The following DMXL1 variants were observed in gnomAD, a reference collection of about 807,000 sequenced individuals.
DMXL1 encodes the protein Dmx like 1.
A neutral mutation model predicts 319.2 loss-of-function variants in DMXL1; 99 were observed. That is an observed-to-expected ratio of 0.31 (90% CI 0.26 to 0.37). DMXL1 has a LOEUF of 0.37. DMXL1 is among the 10% of genes least tolerant of loss of function. DMXL1 has a pLI of 1.00. For synonymous variants in DMXL1, 1,385 were observed against 1,235.2 expected (o/e 1.12, Z -2.54); for missense variants, 3,745 against 3,595.6 (o/e 1.04, Z -1.06).
intron 34 of DMXL1, among the ~76,000 whole-genome samples, chr5:119,208,627 T>G (rs1245216272): frequency 6.6e-6 from 1 of 152,152 alleles, no homozygotes; most frequent in Non-Finnish European, 1.5e-5. Flanking sequence ...AATACAGTCT[T>G]TTTGAGGGGA....
chr5:119,103,719 A>G (rs569310949), intron 3 of DMXL1, among the ~76,000 whole-genome samples: 65 of 152,350 alleles, frequency 4.3e-4, no homozygotes, highest in Middle Eastern at 3.4e-3. Flanking sequence ...AGTACTAAAA[A>G]GAATTTTTTA....
chr5:119,093,130 C>T (rs1042721149), intron 1 of DMXL1, among the ~76,000 whole-genome samples: 1 of 151,754 alleles, frequency 6.6e-6, no homozygotes, highest in Non-Finnish European at 1.5e-5. Flanking sequence ...CAGTTGCATG[C>T]GCTCACTTTG....
chr5:119,118,730 T>A, intron 7 of DMXL1, 85 bp from the exon 8 acceptor site: 1 of 1,041,712 alleles, frequency 9.6e-7, no homozygotes. Context: ...GTTGGTACAT[T>A]TAAGTAATTA....
chr5:119,192,828 G>T (rs1052389788), intron 29 of DMXL1, among the ~76,000 whole-genome samples: 1 of 151,468 alleles, frequency 6.6e-6, no homozygotes, highest in African/African-American at 2.4e-5. Context: ...ATTTTATATC[G>T]ATTTTTCCCA....
intron 32 of DMXL1, among the ~76,000 whole-genome samples, chr5:119,198,964 G>A (rs528756071): frequency 1.3e-5 from 2 of 152,256 alleles, no homozygotes; most frequent in Admixed American, 6.5e-5. Flanking sequence ...ACAGCTCACT[G>A]CAGCCTCCAC....
Position 119,167,672 on chromosome 5 carries a change from G to C in DMXL1, c.5206G>C (p.Asp1736His). The change falls in exon 23 of 44, where the codon GAT becomes CAT. Residue 1736 changes from aspartate (D) to histidine (H), a missense_variant. This residue lies in a region of DMXL1 where 1,382 missense variants were observed against 1,269.5 expected (regional missense o/e 1.09). Transcript: ENST00000539542. ...VIARLYESEF[D>H]TSAAYKSILR... ...AGCAAGACTCTATGAGTCTGAATTT[G>C]ATACATCTGCAGCATATAAATCTAT... 2 of 1,612,894 alleles carry C rather than the reference G, an allele frequency of 1.2e-6. No individual in the cohort carries two copies. The highest frequency in any genetic ancestry group is 1.7e-6 in the Non-Finnish European group (2 of 1,179,306).
Position 119,104,361 on chromosome 5 carries a change from G to A in DMXL1, c.286-819G>A, listed in dbSNP as rs1344422056. 3 of 152,168 alleles carry A rather than the reference G, an allele frequency of 2.0e-5. No individual in the cohort carries two copies. In the East Asian group the frequency reaches 5.8e-4, roughly 29 times the overall value. The allele number at this position is 152,168 out of a possible 1,614,324, so 9.4% of individuals were successfully genotyped here. A position where few individuals can be genotyped will look rare whatever the true frequency, so the allele number is the denominator to read the frequency against. On this transcript the variant is annotated intron_variant, in intron 3 of 43. Transcript: ENST00000539542. Reference sequence around the variant, plus strand: ...TAGGTCACCTATGTCAAAATCACCTGGGGTGTTAAAGTACAGGTTTCTGTG... The same window carrying A: ...TAGGTCACCTATGTCAAAATCACCTAGGGTGTTAAAGTACAGGTTTCTGTG...
intron 14 of DMXL1, among the ~76,000 whole-genome samples, chr5:119,144,168 C>T (rs1207253869): frequency 2.0e-5 from 3 of 151,728 alleles, no homozygotes; most frequent in Admixed American, 1.3e-4. Context: ...CAAACTTTGA[C>T]TCAAACATAT....
In DMXL1 at chr5:119,198,077, C is replaced by G. The variant is rs147098038; in HGVS notation, c.7745+121C>G. The G allele has an allele frequency of 1.3e-3, 1,193 of 898,340 alleles. 10 individuals carry two copies. The African/African-American group carries it at 0.017, about 13-fold the overall frequency. 55.6% of individuals were successfully genotyped at this position (898,340 alleles called of 1,614,324 possible). On this transcript the variant is annotated intron_variant, in intron 32 of 43. Coordinates refer to ENST00000539542, the MANE Select transcript of DMXL1 (RefSeq NM_001290321.3). Reference sequence around the variant, plus strand: ...AATCTCAGCTCACTGCAGCCTCTGCCTCCTGGGTTCAAGTGATTCTCCTGC... The same window carrying G: ...AATCTCAGCTCACTGCAGCCTCTGCGTCCTGGGTTCAAGTGATTCTCCTGC...
intron 9 of DMXL1, chr5:119,127,315 G>T: frequency 4.8e-6 from 1 of 209,826 alleles, no homozygotes; most frequent in South Asian, 9.7e-5. Flanking sequence ...TAGTATTATT[G>T]GCTACCACAG....
Position 119,217,002 on chromosome 5 carries a change from A to G in DMXL1, c.8013+15A>G, listed in dbSNP as rs1783811090. The G allele has an allele frequency of 1.5e-6, 2 of 1,375,682 alleles. No homozygotes were observed. Among genetic ancestry groups the G allele is most frequent in the Non-Finnish European group, 2.0e-6 (2 of 1,000,492 alleles). 85.2% of individuals were successfully genotyped at this position (1,375,682 alleles called of 1,614,324 possible). On this transcript the variant is annotated intron_variant, in intron 35 of 43. Coordinates refer to ENST00000539542, the MANE Select transcript of DMXL1 (RefSeq NM_001290321.3). ...CTGTTAATAAGGTAAGTACATAGACATTCTTCTTTTGTTTATTAAGTATTT... is the reference window on the plus strand; with the variant it reads ...CTGTTAATAAGGTAAGTACATAGACGTTCTTCTTTTGTTTATTAAGTATTT...
intron 9 of DMXL1, among the ~76,000 whole-genome samples, chr5:119,122,447 C>T (rs11738650): frequency 0.38 from 57,118 of 149,422 alleles, 13,503 homozygotes; most frequent in East Asian, 0.94. Flanking sequence ...GGGCTAACCC[C>T]CCCCACCTCC....
At position 119,078,738 on chromosome 5, in the gene DMXL1, C is replaced by CA. The variant is rs372147881; in HGVS notation, c.87+7083dup. Reference sequence around the variant, plus strand: ...AAATGCTGGGATTACAGACATGACCCACTGCACCCAGTCTGTGAGATATTC... The same window carrying CA: ...AAATGCTGGGATTACAGACATGACCCAACTGCACCCAGTCTGTGAGATATTC... On this transcript the variant is annotated intron_variant, in intron 1 of 43. Transcript: ENST00000539542. Among the ~76,000 whole-genome samples, 348 of 152,310 alleles carry CA rather than the reference C, an allele frequency of 2.3e-3. 2 individuals are homozygous for CA. Among genetic ancestry groups the CA allele is most frequent in the Non-Finnish European group, 4.0e-3 (275 of 68,032 alleles).
intron 1 of DMXL1, among the ~76,000 whole-genome samples, chr5:119,082,826 C>G (rs976643045): frequency 6.6e-6 from 1 of 152,298 alleles, no homozygotes; most frequent in South Asian, 2.1e-4. Context: ...TTCCATCAAA[C>G]CGTTTATTAG....
chr5:119,121,499 C>T (rs1358108334), intron 9 of DMXL1, among the ~76,000 whole-genome samples: 2 of 151,988 alleles, frequency 1.3e-5, no homozygotes, highest in African/African-American at 2.4e-5. Context: ...GAGCATGCTG[C>T]CTTCAGGCAT....
At chr5:119,245,069 G>A (rs1469135100) in intron 43 of DMXL1, among the ~76,000 whole-genome samples, 1 of 152,084 alleles carries the variant, frequency 6.6e-6, no homozygotes, top group East Asian at 1.9e-4. Flanking sequence ...CAAATGTTAA[G>A]CAGCTTGTTA....
intron 4 of DMXL1, among the ~76,000 whole-genome samples, chr5:119,106,130 T>C (rs1758287070): frequency 6.6e-6 from 1 of 152,184 alleles, no homozygotes; most frequent in African/African-American, 2.4e-5. Flanking sequence ...TGTTCACATA[T>C]CTGGGCCTTG....
intron 1 of DMXL1, chr5:119,081,731 G>A (rs1032255985): frequency 7.1e-6 from 7 of 984,986 alleles, no homozygotes; most frequent in Non-Finnish European, 1.2e-6. Context: ...TTTAACTAAT[G>A]GGGACAAATT....
chr5:119,102,015 T>G lies in DMXL1; in HGVS notation c.285+9T>G. The G allele has an allele frequency of 6.5e-7, 1 of 1,533,320 alleles. No individual in the cohort carries two copies. Among genetic ancestry groups the G allele is most frequent in the East Asian group, 2.3e-5 (1 of 44,328 alleles). 95.0% of individuals were successfully genotyped at this position (1,533,320 alleles called of 1,614,324 possible). A position where few individuals can be genotyped will look rare whatever the true frequency, so the allele number is the denominator to read the frequency against. ...AACAAAAGAAAAATTTGGTCAGTAA[T>G]TTATGATTTCTTCTTTTAGGAATTG... On this transcript the variant is annotated intron_variant, in intron 3 of 43. Coordinates refer to ENST00000539542, the MANE Select transcript of DMXL1 (RefSeq NM_001290321.3).
Sources: gnomAD v4.1 joint callset for allele counts (sites outside exome capture counted in the v4.1 genomes callset) on GRCh38, gnomAD v4.1.1 for gene constraint, gnomAD v4.1.1 regional missense constraint, MANE v1.5 for transcripts, NCBI Gene and HGNC (gene_info 2026-07-23, HGNC 2026-07-21) for gene names.